RUFY2: variants seen among roughly 807,000 people sequenced by gnomAD.
RUFY2 encodes RUN and FYVE domain-containing protein 2.
A neutral mutation model predicts 94.4 loss-of-function variants in RUFY2; 49 were observed. That is an observed-to-expected ratio of 0.52 (90% CI 0.41 to 0.66). The LOEUF is 0.66. RUFY2 is among the 30% of genes least tolerant of loss of function. The pLI is 0.00. For missense variants in RUFY2, 541 were observed against 692.8 expected (o/e 0.78, Z 2.46); for synonymous variants, 255 against 235.7 (o/e 1.08, Z -0.75).
At chr10:68,392,213 A>G (rs2050051595) in intron 7 of RUFY2, among the ~76,000 whole-genome samples, 1 of 151,716 alleles carries the variant, frequency 6.6e-6, no homozygotes, top group Non-Finnish European at 1.5e-5. Flanking sequence ...TGTTTTTTTT[A>G]GTAGAGACAA....
intron 13 of RUFY2, among the ~76,000 whole-genome samples, chr10:68,372,617 C>T (rs1054052075): frequency 1.1e-4 from 16 of 147,360 alleles, no homozygotes; most frequent in Non-Finnish European, 3.0e-5. Context: ...AGGCCAGGCA[C>T]AGTGGCTCAC....
At chr10:68,393,993 C>T (rs2050192416) in intron 6 of RUFY2, 82 bp downstream of exon 6, 1 of 1,440,232 alleles carries the variant, frequency 6.9e-7, no homozygotes, top group Non-Finnish European at 9.2e-7. Context: ...TAAAACCACA[C>T]TGTAAATAGA....
chr10:68,369,529 C>G (rs1053385764), intron 13 of RUFY2, among the ~76,000 whole-genome samples: 5 of 151,120 alleles, frequency 3.3e-5, no homozygotes, highest in Non-Finnish European at 5.9e-5. Context: ...CCAGGCGAGG[C>G]CTTTAAGAGG....
At chr10:68,341,729 C>T (rs758809135), downstream of RUFY2, 102 of 1,583,654 alleles carry the variant, frequency 6.4e-5, no homozygotes, top group Admixed American at 1.3e-4. Context: ...ATCGATGAGT[C>T]TCAATTTTTT....
chr10:68,379,750 A>C (rs186046941), intron 11 of RUFY2, among the ~76,000 whole-genome samples: 1 of 152,194 alleles, frequency 6.6e-6, no homozygotes, highest in Non-Finnish European at 1.5e-5. Context: ...TGTTACTTTG[A>C]AATGAACAGA....
chr10:68,375,701 G>A (rs182979544), intron 13 of RUFY2, among the ~76,000 whole-genome samples: 5,490 of 147,302 alleles, frequency 0.037, 310 homozygotes, highest in African/African-American at 0.13. Context: ...GCGTGAACCC[G>A]GGAGGCGGAG....
In RUFY2 at chr10:68,404,718, T is replaced by A; in HGVS notation, c.131A>T (p.Gln44Leu). Residue 44 changes from glutamine to leucine, a missense_variant, in exon 2 of 18, where the codon CAG (glutamine) becomes CTG (leucine). Physicochemically the swap from Gln to Leu is moderately radical, Grantham distance 113. Coordinates refer to ENST00000602465, the MANE Select transcript of RUFY2 (RefSeq NM_001330103.2). ...RTLDSDYPPL[Q>L]QFFVVMEHCL... ...ATGTTCCATAACAACAAAGAATTGC[T>A]GCAAGGGGGGATAGTCAGAATCCAA... 6.2e-7 allele frequency: 1 copy of A among 1,613,172 alleles called. No individual in the cohort carries two copies. The highest frequency in any genetic ancestry group is 8.5e-7 in the Non-Finnish European group (1 of 1,179,692).
chr10:68,358,767 C>T (rs1026616016), intron 15 of RUFY2, among the ~76,000 whole-genome samples: 7 of 151,622 alleles, frequency 4.6e-5, no homozygotes, highest in African/African-American at 1.5e-4. Flanking sequence ...AAAAATTAGC[C>T]GGGAGTGATG....
intron 13 of RUFY2, among the ~76,000 whole-genome samples, chr10:68,374,570 T>A (rs1056760021): frequency 9.2e-5 from 14 of 152,178 alleles, no homozygotes; most frequent in Admixed American, 8.5e-4. Flanking sequence ...ACAATTACAG[T>A]TGGATATTTC....
chr10:68,381,800 A>G (rs188433496), intron 10 of RUFY2, among the ~76,000 whole-genome samples: 46 of 152,344 alleles, frequency 3.0e-4, no homozygotes, highest in Non-Finnish European at 5.4e-4. Context: ...GTGAGCTGAA[A>G]TCACACCACT....
intron 16 of RUFY2, among the ~76,000 whole-genome samples, chr10:68,351,543 A>G (rs2046677916): frequency 7.1e-6 from 1 of 140,704 alleles, no homozygotes; most frequent in Non-Finnish European, 1.5e-5. Flanking sequence ...TCCACCTCCC[A>G]GGTTCAAGTG....
chr10:68,380,636 CG>C (rs1312263083), intron 11 of RUFY2, among the ~76,000 whole-genome samples: 5 of 151,812 alleles, frequency 3.3e-5, no homozygotes, highest in African/African-American at 1.2e-4. Context: ...CCGAGGTGGG[CG>C]GATCACCTGA....
intron 13 of RUFY2, among the ~76,000 whole-genome samples, chr10:68,364,669 G>GA (rs1352600782): frequency 6.6e-6 from 1 of 151,834 alleles, no homozygotes; most frequent in Admixed American, 6.6e-5. Flanking sequence ...GACATTGGGG[G>GA]AAAGTCCACA....
chr10:68,342,773 A>G (rs2046039870), downstream of RUFY2: 3 of 152,644 alleles, frequency 2.0e-5, no homozygotes, highest in Non-Finnish European at 4.4e-5. Flanking sequence ...AGGTTATCGC[A>G]AGATGTCTTA....
At chr10:68,345,962 A>AT (rs775767190) in intron 17 of RUFY2, 45 bp downstream of exon 17, 1 of 1,612,052 alleles carries the variant, frequency 6.2e-7, no homozygotes, top group Non-Finnish European at 8.5e-7. Context: ...TAAAATTAGC[A>AT]TTTTTGCACT....
chr10:68,372,719 G>A (rs559496659), intron 13 of RUFY2, among the ~76,000 whole-genome samples: 26 of 151,712 alleles, frequency 1.7e-4, no homozygotes, highest in South Asian at 8.3e-4. Flanking sequence ...AAGAAACCCC[G>A]TGTCCACCAA....
At chr10:68,394,830 C>T (rs1007483752) in intron 4 of RUFY2, among the ~76,000 whole-genome samples, 2 of 151,538 alleles carry the variant, frequency 1.3e-5, no homozygotes, top group East Asian at 1.9e-4. Flanking sequence ...GGGGTTTCAC[C>T]GTGTTAGCCA....
chr10:68,349,425 G>A (rs185212938), intron 16 of RUFY2, among the ~76,000 whole-genome samples: 5 of 152,098 alleles, frequency 3.3e-5, no homozygotes, highest in African/African-American at 4.8e-5. Flanking sequence ...GAGGCTGAGG[G>A]GGGGAGGATT....
chr10:68,366,997 G>C (rs2047898779), intron 13 of RUFY2, among the ~76,000 whole-genome samples: 1 of 150,682 alleles, frequency 6.6e-6, no homozygotes. Context: ...GTGAAACCCT[G>C]TCTCTACTAA....
Sources: allele counts gnomAD v4.1 joint callset (sites outside exome capture counted in the v4.1 genomes callset), GRCh38; gene constraint gnomAD v4.1.1; transcripts MANE v1.5; gene names NCBI Gene and HGNC (gene_info 2026-07-23, HGNC 2026-07-21).